The following LPP variants were observed in gnomAD, a reference collection of about 807,000 sequenced individuals.
LPP encodes the protein LIM domain containing preferred translocation partner in lipoma.
Under a neutral mutation model 60.4 loss-of-function variants are expected in LPP, and 38 were observed. The ratio of observed to expected loss-of-function variants is 0.63; its 90% CI spans 0.49 to 0.83. The LOEUF is 0.83. Among genes scored for constraint, LPP ranks in the 40% least tolerant of loss-of-function variants. The probability of loss-of-function intolerance (pLI) is 0.00; values close to 1 mark genes in which losing one functional copy is unlikely to be tolerated. For synonymous variants in LPP, 328 were observed against 290.8 expected, an observed-to-expected ratio of 1.13 and a Z score of -1.30; for missense variants, 902 against 783.6, an observed-to-expected ratio of 1.15 and a Z score of -1.80.
At chr3:188,582,636 G>C (rs1836517178) in intron 6 of LPP, among the ~76,000 whole-genome samples, 1 of 152,100 alleles carries the variant, frequency 6.6e-6, no homozygotes, top group South Asian at 2.1e-4. Flanking sequence ...CAGTAAACTT[G>C]CTCTTCAGAT....
At chr3:188,669,904 C>T (rs902440246) in intron 7 of LPP, among the ~76,000 whole-genome samples, 13 of 152,068 alleles carry the variant, frequency 8.5e-5, no homozygotes, top group East Asian at 3.9e-4. Flanking sequence ...AAATATACAC[C>T]GTGGAATACT....
At chr3:188,396,206 G>T (rs1400098026) in intron 3 of LPP, among the ~76,000 whole-genome samples, 1 of 152,074 alleles carries the variant, frequency 6.6e-6, no homozygotes, top group Non-Finnish European at 1.5e-5. Flanking sequence ...TTCATCAATA[G>T]TAGACTCATA....
chr3:188,753,785 G>C (rs569206746), intron 8 of LPP, among the ~76,000 whole-genome samples: 1 of 152,114 alleles, frequency 6.6e-6, no homozygotes, highest in African/African-American at 2.4e-5. Flanking sequence ...GTGTGTGTGA[G>C]TGTGTATATG....
intron 4 of LPP, among the ~76,000 whole-genome samples, chr3:188,478,323 G>T (rs1803775189): frequency 6.6e-6 from 1 of 152,014 alleles, no homozygotes; most frequent in East Asian, 1.9e-4. Flanking sequence ...CCTATTTCTG[G>T]GCCACAGTCA....
chr3:188,633,045 G>A (rs1848125085), intron 7 of LPP, among the ~76,000 whole-genome samples: 1 of 152,200 alleles, frequency 6.6e-6, no homozygotes, highest in South Asian at 2.1e-4. Flanking sequence ...ATCACCCAGT[G>A]TGACCTAGTG....
At chr3:188,612,316 G>A (rs917261293) in intron 7 of LPP, among the ~76,000 whole-genome samples, 2 of 152,142 alleles carry the variant, frequency 1.3e-5, no homozygotes, top group Non-Finnish European at 2.9e-5. Flanking sequence ...GGCATTGGCT[G>A]ATGAAAGGGT....
intron 7 of LPP, among the ~76,000 whole-genome samples, chr3:188,679,562 T>TGTGTGC (rs539053363): frequency 6.2e-4 from 77 of 124,116 alleles, no homozygotes; most frequent in Middle Eastern, 4.2e-3. Context: ...TGTGTGTGTG[T>TGTGTGC]GCGCGCGCGC....
chr3:188,280,637 G>A (rs142594097), intron 2 of LPP, among the ~76,000 whole-genome samples: 14 of 151,890 alleles, frequency 9.2e-5, no homozygotes, highest in African/African-American at 2.7e-4. Flanking sequence ...TCCAGTTGTC[G>A]ACGGTCCTAT....
At chr3:188,293,112 C>CT (rs1225199571) in intron 2 of LPP, among the ~76,000 whole-genome samples, 3 of 152,206 alleles carry the variant, frequency 2.0e-5, no homozygotes, top group Admixed American at 1.3e-4. Flanking sequence ...TTGACTCATT[C>CT]TATATGTCTC....
Position 188,830,027 on chromosome 3 carries a change from T to C in LPP, c.1411-36173T>C, listed in dbSNP as rs1484463377. On this transcript the variant is annotated intron_variant, in intron 9 of 11. Coordinates refer to ENST00000617246, the MANE Select transcript of LPP (RefSeq NM_001375462.1). ...TCTCATTAAAAAAAAAAAAAAGATA[T>C]ATTAAGAAACTTTTGAAAGTATAAA... Among the ~76,000 whole-genome samples, 6 of 150,144 alleles carry C rather than the reference T, an allele frequency of 4.0e-5. No homozygotes were observed. The South Asian group carries it at 6.3e-4, about 16-fold the overall frequency.
chr3:188,272,938 G>A (rs1296158814), intron 2 of LPP, among the ~76,000 whole-genome samples: 2 of 152,154 alleles, frequency 1.3e-5, no homozygotes, highest in African/African-American at 2.4e-5. Context: ...ATGGGTCCAC[G>A]AGGGTGGCAG....
intron 6 of LPP, among the ~76,000 whole-genome samples, chr3:188,592,557 G>GTTTTTTTGTTTTTTTTTTTT (rs1553936333): frequency 1.2e-5 from 1 of 85,754 alleles, no homozygotes; most frequent in African/African-American, 4.5e-5. Context: ...TTTTGTTTTT[G>GTTTTTTTGTTTTTTTTTTTT]TTTTTTAAAT....
intron 2 of LPP, among the ~76,000 whole-genome samples, chr3:188,315,772 A>G (rs1754851052): frequency 6.6e-6 from 1 of 152,180 alleles, no homozygotes; most frequent in Non-Finnish European, 1.5e-5. Context: ...CCAGGGAATT[A>G]TGGAATTTGT....
At chr3:188,366,077 G>A (rs1204009781) in intron 3 of LPP, among the ~76,000 whole-genome samples, 1 of 152,152 alleles carries the variant, frequency 6.6e-6, no homozygotes, top group Non-Finnish European at 1.5e-5. Context: ...CCATCATTTT[G>A]CTCTGCTTCT....
At chr3:188,337,025 C>T (rs970923900) in intron 2 of LPP, among the ~76,000 whole-genome samples, 3 of 152,066 alleles carry the variant, frequency 2.0e-5, no homozygotes, top group African/African-American at 7.2e-5. Flanking sequence ...GTACTGTTTT[C>T]CCAGGAGGCA....
chr3:188,300,198 G>T (rs540058024), intron 2 of LPP, among the ~76,000 whole-genome samples: 235 of 151,628 alleles, frequency 1.5e-3, no homozygotes, highest in African/African-American at 5.3e-3. Flanking sequence ...GGTTGTGTGT[G>T]TTTATTTTTT....
Position 188,829,285 on chromosome 3 carries a change from G to T in LPP, c.1411-36915G>T, listed in dbSNP as rs537113004. On this transcript the variant is annotated intron_variant, in intron 9 of 11. Coordinates refer to ENST00000617246, the MANE Select transcript of LPP (RefSeq NM_001375462.1). ...CCTCTTACGGGAATACCGAACTAAT[G>T]GTCCTTGTCTCAATGACCTGCCTAT... is the stretch of plus-strand genomic sequence containing the variant. Among the ~76,000 whole-genome samples the T allele has an allele frequency of 1.8e-4, 27 of 152,200 alleles. 1 individual carries two copies. The South Asian group carries it at 5.6e-3, about 32-fold the overall frequency.
intron 1 of LPP, among the ~76,000 whole-genome samples, chr3:188,208,488 T>C (rs1733885172): frequency 6.6e-6 from 1 of 152,230 alleles, no homozygotes; most frequent in Admixed American, 6.5e-5. Context: ...TAATTCATGC[T>C]TGGGAGCATC....
At chr3:188,871,237 G>A (rs76403199) in intron 10 of LPP, among the ~76,000 whole-genome samples, 2,413 of 152,276 alleles carry the variant, frequency 0.016, 61 homozygotes, top group African/African-American at 0.055. Context: ...AAATTTTGCA[G>A]TTGATCCCAG....
Sources: allele counts gnomAD v4.1 joint callset (sites outside exome capture counted in the v4.1 genomes callset), GRCh38; gene constraint gnomAD v4.1.1; transcripts MANE v1.5; gene names NCBI Gene and HGNC (gene_info 2026-07-23, HGNC 2026-07-21).